The following CGNL1 variants were observed in gnomAD, a reference collection of about 807,000 sequenced individuals.
CGNL1 encodes the protein cingulin like 1, also known as cingulin-like protein 1.
Under a neutral mutation model 141.2 loss-of-function variants are expected in CGNL1, and 132 were observed. That is an observed-to-expected ratio of 0.93 (90% CI 0.81 to 1.08). The LOEUF (loss-of-function observed/expected upper bound fraction) is 1.08, where lower values mean the gene tolerates loss of function less well. Among genes scored for constraint, CGNL1 ranks in the 50% least tolerant of loss-of-function variants. The pLI, the probability that CGNL1 is intolerant of heterozygous loss-of-function variation, is 0.00. For missense variants in CGNL1, 1,870 were observed against 1,588.6 expected, an observed-to-expected ratio of 1.18 and a Z score of -3.01; for synonymous variants, 690 against 622.1, an observed-to-expected ratio of 1.11 and a Z score of -1.63.
chr15:57,518,497 G>C lies in CGNL1; in HGVS notation c.2715G>C (p.Gln905His). ...TGGAGAATGAACTGGAGGCTGCTCAGGTAAACACCAAGGGCTGTTGTCATT... is the reference window on the plus strand; with the variant it reads ...TGGAGAATGAACTGGAGGCTGCTCACGTAAACACCAAGGGCTGTTGTCATT... ...RALENELEAA[Q>H]GNLSQTTQEQ... The change falls in exon 10 of 19, where the codon CAG becomes CAC. Residue 905 changes from glutamine (Q) to histidine (H), a missense_variant and splice_region_variant. Coordinates refer to ENST00000281282, the MANE Select transcript of CGNL1 (RefSeq NM_032866.5). 2.5e-6 allele frequency: 4 copies of C among 1,601,392 alleles called. No homozygotes were observed. Among genetic ancestry groups the C allele is most frequent in the Non-Finnish European group, 2.6e-6 (3 of 1,171,364 alleles).
intron 1 of CGNL1, among the ~76,000 whole-genome samples, chr15:57,383,320 G>C (rs2062445827): frequency 4.1e-5 from 3 of 73,626 alleles, no homozygotes; most frequent in African/African-American, 2.7e-4. Context: ...TTTTGATACA[G>C]AGTTGCCCAG....
chr15:57,544,595 GA>G lies in CGNL1; in HGVS notation c.3499del (p.Arg1167GlyfsTer17), dbSNP rs1567180332. 6.3e-7 allele frequency: 1 copy of G among 1,575,020 alleles called. No individual in the cohort carries two copies. Among genetic ancestry groups the G allele is most frequent in the South Asian group, 1.2e-5 (1 of 86,194 alleles). ...ELEDRLESEE[R>X]DRANLQLSNR... ...TGGAGGACCGCCTGGAGAGTGAGGAGAGGTGAGCCGGGCCCACCCACTGCAG... is the reference window on the plus strand; with the variant it reads ...TGGAGGACCGCCTGGAGAGTGAGGAGGGTGAGCCGGGCCCACCCACTGCAG... On this transcript the variant is annotated frameshift_variant and splice_region_variant, in exon 16 of 19. Transcript: ENST00000281282. LOFTEE classifies it high-confidence loss of function.
At chr15:57,510,650 A>G (rs2030203368) in intron 8 of CGNL1, among the ~76,000 whole-genome samples, 1 of 152,204 alleles carries the variant, frequency 6.6e-6, no homozygotes. Flanking sequence ...AAAAATTTAC[A>G]TTCATTTATA....
In CGNL1 at chr15:57,433,012, T is replaced by C. The variant is rs553653598; in HGVS notation, c.-15-4973T>C. ...AGAATTTTACTAATAAAAGAGGAAATATTTTCATTGAAAAGTCAGTGTCAG... is the reference window on the plus strand; with the variant it reads ...AGAATTTTACTAATAAAAGAGGAAACATTTTCATTGAAAAGTCAGTGTCAG... On this transcript the variant is annotated intron_variant, in intron 1 of 18. Transcript: ENST00000281282. Among the ~76,000 whole-genome samples, 4 of 150,994 alleles carry C rather than the reference T, an allele frequency of 2.6e-5. No homozygotes were observed. In the East Asian group the frequency reaches 5.8e-4, roughly 22 times the overall value.
At chr15:57,520,809 A>G (rs2031202156) in intron 10 of CGNL1, among the ~76,000 whole-genome samples, 1 of 152,164 alleles carries the variant, frequency 6.6e-6, no homozygotes, top group Admixed American at 6.5e-5. Context: ...CAGCCCACAG[A>G]CACTGAGTGG....
At chr15:57,458,350 G>A (rs912218101) in intron 7 of CGNL1, among the ~76,000 whole-genome samples, 7 of 152,108 alleles carry the variant, frequency 4.6e-5, no homozygotes, top group Non-Finnish European at 8.8e-5. Context: ...ATGAAACATC[G>A]TGTACCTTTT....
At position 57,386,695 on chromosome 15, in the gene CGNL1, C is replaced by T. The variant is rs539757770; in HGVS notation, c.-16+10128C>T. ...TTCCTCACCTGTAAAATGAGGATAA[C>T]GACAGTGACGACGATAACACCCAGC... On this transcript the variant is annotated intron_variant, in intron 1 of 18. Coordinates refer to ENST00000281282, the MANE Select transcript of CGNL1 (RefSeq NM_032866.5). 1.2e-4 allele frequency among the ~76,000 whole-genome samples: 19 copies of T among 152,242 alleles called. No homozygotes were observed. The South Asian group carries it at 2.1e-3, about 17-fold the overall frequency.
intron 14 of CGNL1, among the ~76,000 whole-genome samples, chr15:57,536,984 C>A (rs1427592904): frequency 6.6e-6 from 1 of 152,184 alleles, no homozygotes; most frequent in Non-Finnish European, 1.5e-5. Context: ...TCAGCTGATC[C>A]TCTCCTGATT....
Position 57,518,414 on chromosome 15 carries a change from G to C in CGNL1, c.2632G>C (p.Glu878Gln). ...KYEGEIRQLE[E>Q]ALVHARKEEK... ...GTAGGGAGAAATACGACAGTTAGAG[G>C]AGGCCCTTGTGCACGCCAGAAAGGA... Residue 878 changes from glutamate to glutamine, a missense_variant, in exon 10 of 19, where the codon GAG (glutamate) becomes CAG (glutamine). Coordinates refer to ENST00000281282, the MANE Select transcript of CGNL1 (RefSeq NM_032866.5). 1 of 1,613,340 alleles carries C rather than the reference G, an allele frequency of 6.2e-7. No individual in the cohort carries two copies. Among genetic ancestry groups the C allele is most frequent in the Non-Finnish European group, 8.5e-7 (1 of 1,179,634 alleles).
intron 8 of CGNL1, among the ~76,000 whole-genome samples, chr15:57,504,069 A>G (rs2064065909): frequency 6.6e-6 from 1 of 152,190 alleles, no homozygotes; most frequent in Non-Finnish European, 1.5e-5. Context: ...TTTACAGAGC[A>G]GGAAACAGAG....
intron 8 of CGNL1, among the ~76,000 whole-genome samples, chr15:57,493,262 T>G (rs1477241019): frequency 6.6e-6 from 1 of 152,228 alleles, no homozygotes; most frequent in African/African-American, 2.4e-5. Context: ...CTTACAAGTC[T>G]GCAGTCATTC....
At chr15:57,486,252 G>GGGAAGAAGA (rs759498212) in intron 8 of CGNL1, among the ~76,000 whole-genome samples, 2 of 152,182 alleles carry the variant, frequency 1.3e-5, no homozygotes, top group Non-Finnish European at 2.9e-5. Context: ...TGCTTCTTCT[G>GGGAAGAAGA]TGTTAGGTCA....
intron 4 of CGNL1, among the ~76,000 whole-genome samples, chr15:57,447,388 T>C (rs1193130002): frequency 6.6e-6 from 1 of 152,224 alleles, no homozygotes; most frequent in Non-Finnish European, 1.5e-5. Context: ...CACTCTCAGT[T>C]TTCAGGAACT....
intron 9 of CGNL1, among the ~76,000 whole-genome samples, chr15:57,517,401 G>A (rs2030902212): frequency 6.6e-6 from 1 of 152,130 alleles, no homozygotes; most frequent in Admixed American, 6.5e-5. Context: ...CAATTATCTG[G>A]TTGGCCAGAC....
At chr15:57,547,311 C>T (rs775248726) in intron 18 of CGNL1, 44 bp from the exon 19 acceptor site, 3 of 1,605,090 alleles carry the variant, frequency 1.9e-6, no homozygotes, top group African/African-American at 2.7e-5. Flanking sequence ...TAGCTATGGG[C>T]CCCGGCCCAG....
At chr15:57,390,600 G>A (rs538205060) in intron 1 of CGNL1, among the ~76,000 whole-genome samples, 5 of 152,312 alleles carry the variant, frequency 3.3e-5, no homozygotes, top group African/African-American at 1.2e-4. Context: ...ACGGAAGAGA[G>A]CAGTTTGGGC....
intron 1 of CGNL1, among the ~76,000 whole-genome samples, chr15:57,419,407 C>A (rs1361609955): frequency 6.6e-6 from 1 of 151,944 alleles, no homozygotes. Flanking sequence ...AGCTAGAGTC[C>A]ACACTTTATC....
At position 57,518,478 on chromosome 15, in the gene CGNL1, A is replaced by G. The variant is rs1386668235; in HGVS notation, c.2696A>G (p.Asn899Ser). The change falls in exon 10 of 19, where the codon AAT becomes AGT. Residue 899 changes from asparagine (N) to serine (S), a missense_variant. Transcript: ENST00000281282. The stretch of plus-strand genomic sequence containing the variant: ...GTGTCAGCCAGAAGGGCCCTGGAGA[A>G]TGAACTGGAGGCTGCTCAGGTAAAC... ...EAVSARRALE[N>S]ELEAAQGNLS... The G allele has an allele frequency of 1.9e-6, 3 of 1,610,924 alleles. No homozygotes were observed. The East Asian group carries it at 6.7e-5, about 36-fold the overall frequency.
At chr15:57,470,540 A>G (rs1383683748) in intron 8 of CGNL1, among the ~76,000 whole-genome samples, 1 of 152,096 alleles carries the variant, frequency 6.6e-6, no homozygotes, top group Non-Finnish European at 1.5e-5. Context: ...GCATCTCTGC[A>G]AGTCACTCCT....
Sources: gnomAD v4.1 joint callset for allele counts (sites outside exome capture counted in the v4.1 genomes callset) on GRCh38, gnomAD v4.1.1 for gene constraint, MANE v1.5 for transcripts, NCBI Gene and HGNC (gene_info 2026-07-23, HGNC 2026-07-21) for gene names.